Variants in DCAF10 observed in about 807,000 individuals in gnomAD.
The protein encoded by DCAF10 is DDB1 and CUL4 associated factor 10.
In DCAF10, 19 loss-of-function variants were observed where a neutral mutation model predicts 51.9. That is an observed-to-expected ratio of 0.37 (90% CI 0.26 to 0.54). The LOEUF (loss-of-function observed/expected upper bound fraction) is 0.54. DCAF10 is among the 20% of genes least tolerant of loss of function. DCAF10 has a pLI of 0.87. For synonymous variants in DCAF10, 291 were observed against 297.1 expected (o/e 0.98, Z 0.21); for missense variants, 510 against 730.6 (o/e 0.70, Z 3.48).
chr9:37,852,602 A>AAG (rs34680108), intron 3 of DCAF10, among the ~76,000 whole-genome samples: 29,070 of 151,936 alleles, frequency 0.19, 3,169 homozygotes, highest in African/African-American at 0.29. Flanking sequence ...AGTCTCTTAA[A>AAG]AGAGTGAAAT....
rs1244093625 is a variant in DCAF10, at chr9:37,863,524, A to G, written c.*2016A>G. ...TGACTTGCCTAAGGTCATCCTGCAA[A>G]GTTAGTGGCAGAGTTAGGACTTGAA... On this transcript the variant is annotated 3_prime_UTR_variant, in exon 7 of 7. Transcript: ENST00000377724. 2 of 152,098 alleles carry G rather than the reference A, an allele frequency of 1.3e-5. No homozygotes were observed. The highest frequency in any genetic ancestry group is 4.8e-5 in the African/African-American group (2 of 41,400). 9.4% of individuals were successfully genotyped at this position (152,098 alleles called of 1,614,324 possible).
At chr9:37,849,325 T>C (rs948186421) in intron 3 of DCAF10, among the ~76,000 whole-genome samples, 1 of 152,206 alleles carries the variant, frequency 6.6e-6, no homozygotes, top group African/African-American at 2.4e-5. Flanking sequence ...TATCAGGCGT[T>C]GGCAAACTAT....
chr9:37,834,895 T>A (rs554507587), intron 2 of DCAF10, among the ~76,000 whole-genome samples: 26 of 151,992 alleles, frequency 1.7e-4, no homozygotes. Flanking sequence ...CTCAAGAGAT[T>A]CTCTTGCCTC....
intron 3 of DCAF10, among the ~76,000 whole-genome samples, chr9:37,853,198 T>C (rs1830740274): frequency 7.0e-6 from 1 of 143,448 alleles, no homozygotes. Context: ...AGCGAGAGCA[T>C]TTACCTCAAC....
In DCAF10 at chr9:37,828,784, T is replaced by C. The variant is rs369349013; in HGVS notation, c.653+9383T>C. 6.6e-5 allele frequency among the ~76,000 whole-genome samples: 10 copies of C among 152,294 alleles called. No individual in the cohort carries two copies. In the South Asian group the frequency reaches 2.1e-3, roughly 32 times the overall value. ...GGGGTGGAAATGGAAAAGAGAGGTTTGGCTATATATATGAAAAAATAGAAT... is the reference window on the plus strand; with the variant it reads ...GGGGTGGAAATGGAAAAGAGAGGTTCGGCTATATATATGAAAAAATAGAAT... On this transcript the variant is annotated intron_variant, in intron 2 of 6. Transcript: ENST00000377724.
At chr9:37,850,838 A>ATG (rs1259318294) in intron 3 of DCAF10, among the ~76,000 whole-genome samples, 22 of 16,724 alleles carry the variant, frequency 1.3e-3, no homozygotes, top group Middle Eastern at 0.017. Context: ...ATATATATAT[A>ATG]TATATATATA....
intron 1 of DCAF10, among the ~76,000 whole-genome samples, chr9:37,817,257 G>A (rs1829569429): frequency 6.6e-6 from 1 of 152,104 alleles, no homozygotes; most frequent in Admixed American, 6.5e-5. Context: ...TTCAAACAAA[G>A]CAATAACTAA....
chr9:37,855,290 C>T (rs1244818364), intron 4 of DCAF10, among the ~76,000 whole-genome samples: 4 of 152,204 alleles, frequency 2.6e-5, no homozygotes, highest in African/African-American at 9.6e-5. Context: ...TGAATCATCA[C>T]TATCTCAAAA....
rs1243817886 is a variant in DCAF10 at position 37,800,853 on chromosome 9, C to A, written c.-14C>A. ...CGGGGCAGTGGCCCGGAGCGGGGGGCGGGGGCGTTGATCATGTTTCCCTTT... is the reference window on the plus strand; with the variant it reads ...CGGGGCAGTGGCCCGGAGCGGGGGGAGGGGGCGTTGATCATGTTTCCCTTT... On this transcript the variant is annotated 5_prime_UTR_variant, in exon 1 of 7. Transcript: ENST00000377724. The A allele has an allele frequency of 2.0e-6, 3 of 1,485,240 alleles. No homozygotes were observed. Among genetic ancestry groups the A allele is most frequent in the Non-Finnish European group, 2.7e-6 (3 of 1,124,594 alleles). The allele number at this position is 1,485,240 out of a possible 1,614,324, so 92.0% of individuals were successfully genotyped here.
intron 2 of DCAF10, chr9:37,832,099 C>T (rs1336294161): frequency 1.3e-5 from 2 of 152,200 alleles, no homozygotes; most frequent in Non-Finnish European, 2.9e-5. Context: ...GCCTGTAATC[C>T]CAGCTACTCA....
chr9:37,803,425 T>G (rs974304248), intron 1 of DCAF10, among the ~76,000 whole-genome samples: 3 of 151,848 alleles, frequency 2.0e-5, no homozygotes, highest in Non-Finnish European at 4.4e-5. Context: ...TATATTTATA[T>G]CTTTAGGATA....
At chr9:37,852,749 A>C (rs1039197512) in intron 3 of DCAF10, among the ~76,000 whole-genome samples, 2 of 152,042 alleles carry the variant, frequency 1.3e-5, no homozygotes, top group South Asian at 4.2e-4. Flanking sequence ...GTCTCTACTA[A>C]AAATGTGAAA....
At chr9:37,849,655 G>A (rs1830575118) in intron 3 of DCAF10, among the ~76,000 whole-genome samples, 1 of 152,048 alleles carries the variant, frequency 6.6e-6, no homozygotes, top group Non-Finnish European at 1.5e-5. Flanking sequence ...GGTTGAGGTG[G>A]GCAGATCATG....
intron 3 of DCAF10, among the ~76,000 whole-genome samples, chr9:37,849,627 A>T (rs1830574423): frequency 6.6e-6 from 1 of 152,124 alleles, no homozygotes; most frequent in East Asian, 1.9e-4. Flanking sequence ...TCATACCTGT[A>T]ATCCCAGCAC....
chr9:37,844,718 G>A (rs963084060), intron 3 of DCAF10, among the ~76,000 whole-genome samples: 3 of 152,106 alleles, frequency 2.0e-5, no homozygotes, highest in Non-Finnish European at 2.9e-5. Context: ...AGTGGCACAC[G>A]CCTGTAATCC....
rs1307406049 is a variant in DCAF10 at position 37,829,173 on chromosome 9, C to T, written c.653+9772C>T. 3.3e-5 allele frequency among the ~76,000 whole-genome samples: 5 copies of T among 152,132 alleles called. No homozygotes were observed. The South Asian group carries it at 6.2e-4, about 19-fold the overall frequency. On this transcript the variant is annotated intron_variant, in intron 2 of 6. Transcript: ENST00000377724. The surrounding 1 kb of genome is among the most constrained non-coding windows in gnomAD (Gnocchi z 4.2). ...CTAAGATAAACTACAATGAACAGGC[C>T]GGGCACGGTGGCTCATGCCTGTAAT... is the stretch of plus-strand genomic sequence containing the variant.
intron 5 of DCAF10, 80 bp from the exon 6 acceptor site, chr9:37,859,968 G>A (rs1219854680): frequency 6.5e-7 from 1 of 1,548,410 alleles, no homozygotes; most frequent in Non-Finnish European, 8.9e-7. Flanking sequence ...GGAGGTGGCT[G>A]CCAGAAATAA....
At chr9:37,806,641 C>G (rs879272950) in intron 1 of DCAF10, among the ~76,000 whole-genome samples, 3 of 152,154 alleles carry the variant, frequency 2.0e-5, no homozygotes, top group African/African-American at 7.2e-5. Flanking sequence ...AGTATACATT[C>G]CCATGGCAGG....
chr9:37,853,050 G>T (rs1454966935), intron 3 of DCAF10, among the ~76,000 whole-genome samples: 1 of 146,222 alleles, frequency 6.8e-6, no homozygotes, highest in East Asian at 2.0e-4. Flanking sequence ...TTTTTTAAAG[G>T]CTGAGGCAGG....
Sources: gnomAD v4.1 joint callset for allele counts (sites outside exome capture counted in the v4.1 genomes callset) on GRCh38, gnomAD v4.1.1 for gene constraint, Gnocchi (gnomAD v3.1) non-coding constraint, MANE v1.5 for transcripts, NCBI Gene and HGNC (gene_info 2026-07-23, HGNC 2026-07-21) for gene names.